BCL11B: variants seen among roughly 807,000 people sequenced by gnomAD.
BCL11B encodes the protein B-cell lymphoma/leukemia 11B.
BCL11B carries 8 observed loss-of-function variants against 49.9 expected under a neutral mutation model. That is an observed-to-expected ratio of 0.16 (90% CI 0.09 to 0.29). The LOEUF (loss-of-function observed/expected upper bound fraction) is 0.29. BCL11B is among the 10% of genes least tolerant of loss of function. BCL11B has a pLI of 1.00. For synonymous variants in BCL11B, 739 were observed against 637.4 expected (o/e 1.16, Z -2.40); for missense variants, 1,006 against 1,351.0 (o/e 0.74, Z 4.00).
At chr14:99,271,128 C>T (rs1170733497) in intron 1 of BCL11B, 33 bp downstream of exon 1, 4 of 1,528,658 alleles carry the variant, frequency 2.6e-6, no homozygotes, top group East Asian at 2.7e-5. Context: ...AGCCCCATCT[C>T]CGGCCCCTCG....
intron 3 of BCL11B, among the ~76,000 whole-genome samples, chr14:99,218,965 G>A (rs531982424): frequency 7.1e-4 from 108 of 152,318 alleles, no homozygotes; most frequent in African/African-American, 2.5e-3. Flanking sequence ...AGGGAGCACG[G>A]CCCTGCCGAC....
At position 99,257,684 on chromosome 14, in the gene BCL11B, C is replaced by A. The variant is rs1347438592; in HGVS notation, c.214G>T (p.Val72Phe). The change falls in exon 2 of 4, where the codon GTT (valine) becomes TTT (phenylalanine). Residue 72 changes from valine (V) to phenylalanine (F), a missense_variant. Around this residue, in one of 6 missense-constraint regions of BCL11B, gnomAD observed 411 missense variants for 542.2 expected, o/e 0.76. Coordinates refer to ENST00000357195, the MANE Select transcript of BCL11B (RefSeq NM_138576.4). This position sits in a 1 kb window ranked among gnomAD's most constrained non-coding sequence, Gnocchi z 6.2. ...TGCTTCCTTTTGTGCTCTATAAAAA[C>A]CAGGATGTCCCCCAAGGGGAAGTTC... ...QMNFPLGDIL[V>F]FIEHKRKQCG... The A allele has an allele frequency of 6.2e-7, 1 of 1,612,504 alleles. No individual in the cohort carries two copies. The highest frequency in any genetic ancestry group is 8.5e-7 in the Non-Finnish European group (1 of 1,178,916).
intron 3 of BCL11B, among the ~76,000 whole-genome samples, chr14:99,190,196 C>T (rs912257687): frequency 6.5e-5 from 9 of 139,100 alleles, no homozygotes; most frequent in African/African-American, 2.4e-4. Flanking sequence ...GTCTTTAAAA[C>T]AAGGCACTTG....
In BCL11B at chr14:99,248,914, T is replaced by C. The variant is rs960096373; in HGVS notation, c.427+8557A>G. 2.0e-5 allele frequency among the ~76,000 whole-genome samples: 3 copies of C among 152,128 alleles called. No homozygotes were observed. The highest frequency in any genetic ancestry group is 6.5e-5 in the Admixed American group (1 of 15,278). On this transcript the variant is annotated intron_variant, in intron 2 of 3. Coordinates refer to ENST00000357195, the MANE Select transcript of BCL11B (RefSeq NM_138576.4). The surrounding 1 kb of genome is among the most constrained non-coding windows in gnomAD (Gnocchi z 4.7). ...ACACAGCATGCCAGCCACAGTAGGATGCCATCCTAGGTCTCGAGCCAGAGT... is the reference window on the plus strand; with the variant it reads ...ACACAGCATGCCAGCCACAGTAGGACGCCATCCTAGGTCTCGAGCCAGAGT...
At chr14:99,183,202 C>T (rs746064804) in intron 3 of BCL11B, among the ~76,000 whole-genome samples, 53 of 152,264 alleles carry the variant, frequency 3.5e-4, no homozygotes, top group South Asian at 1.9e-3. Context: ...TGATGCCAGA[C>T]CCACCCACAT....
rs1886379401 is a variant in BCL11B at position 99,174,031 on chromosome 14, C to G, written c.*120G>C. The G allele has an allele frequency of 9.5e-7, 1 of 1,053,756 alleles. No homozygotes were observed. Among genetic ancestry groups the G allele is most frequent in the Admixed American group, 2.4e-5 (1 of 41,756 alleles). 65.3% of individuals were successfully genotyped at this position (1,053,756 alleles called of 1,614,324 possible). A position where few individuals can be genotyped will look rare whatever the true frequency, so the allele number is the denominator to read the frequency against. On this transcript the variant is annotated 3_prime_UTR_variant, in exon 4 of 4. Coordinates refer to ENST00000357195, the MANE Select transcript of BCL11B (RefSeq NM_138576.4). ...CAGGTTAGGTTGGAGTGCCGCCTCC[C>G]CTGGGCCCCGGGGACACGCGGGGTG...
chr14:99,175,386 G>T lies in BCL11B; in HGVS notation c.1450C>A (p.Leu484Met), dbSNP rs1426414527. 1 of 1,595,174 alleles carries T rather than the reference G, an allele frequency of 6.3e-7. No homozygotes were observed. Among genetic ancestry groups the T allele is most frequent in the Non-Finnish European group, 8.5e-7 (1 of 1,174,140 alleles). The change falls in exon 4 of 4, where the codon CTG becomes ATG. Residue 484 changes from leucine to methionine, a missense_variant. Around this residue, in one of 6 missense-constraint regions of BCL11B, gnomAD observed 443 missense variants for 499.7 expected, o/e 0.89. Transcript: ENST00000357195. ...AGCCCGTCGTCGGAGCGGCCGGCCA[G>T]CGAGCCGGCCTTGTGCATGTGCGTC... Reference protein sequence around the residue: ...MKTHMHKAGSLAGRSDDGLSA... With the variant: ...MKTHMHKAGSMAGRSDDGLSA...
At chr14:99,204,269 C>T (rs537358940) in intron 3 of BCL11B, among the ~76,000 whole-genome samples, 1 of 152,244 alleles carries the variant, frequency 6.6e-6, no homozygotes, top group East Asian at 1.9e-4. Context: ...TCTGTGGACT[C>T]GTCTTTCCAG....
chr14:99,245,660 C>A (rs1888804741), intron 2 of BCL11B, among the ~76,000 whole-genome samples: 1 of 142,432 alleles, frequency 7.0e-6, no homozygotes, highest in Admixed American at 7.1e-5. Flanking sequence ...GAATGCCACC[C>A]CGGCGAAGCG....
intron 2 of BCL11B, among the ~76,000 whole-genome samples, chr14:99,252,475 C>T (rs908996524): frequency 1.3e-5 from 2 of 152,190 alleles, no homozygotes; most frequent in Admixed American, 6.5e-5. Context: ...TCCCTGGGCT[C>T]GTCAGAAGTC....
At chr14:99,180,679 T>C (rs950620577) in intron 3 of BCL11B, among the ~76,000 whole-genome samples, 1 of 152,206 alleles carries the variant, frequency 6.6e-6, no homozygotes, top group African/African-American at 2.4e-5. Flanking sequence ...AAATCGCACA[T>C]GGCTATGCAG....
In BCL11B at chr14:99,192,098, G is replaced by C. The variant is rs1303746881; in HGVS notation, c.641-15903C>G. On this transcript the variant is annotated intron_variant, in intron 3 of 3. Transcript: ENST00000357195. The surrounding 1 kb of genome is among the most constrained non-coding windows in gnomAD (Gnocchi z 4.0). ...CGGAATATTTTTAGAACAATCACTG[G>C]AGTGATTCTTCTTAGTTGTAGAAAC... Among the ~76,000 whole-genome samples, 1 of 152,182 alleles carries C rather than the reference G, an allele frequency of 6.6e-6. No individual in the cohort carries two copies. The highest frequency in any genetic ancestry group is 2.1e-4 in the South Asian group (1 of 4,828).
In BCL11B at chr14:99,231,640, TG is replaced by T; in HGVS notation, c.428-84del. On this transcript the variant is annotated intron_variant, in intron 2 of 3. Transcript: ENST00000357195. The surrounding 1 kb of genome is among the most constrained non-coding windows in gnomAD (Gnocchi z 8.1). ...ACGGGGTGGGACGGGGCTCGGGGCG[TG>T]GGGCTCTGCTCAGGCCACCCTTCGG... The T allele has an allele frequency of 7.3e-7, 1 of 1,375,464 alleles. No individual in the cohort carries two copies. Among genetic ancestry groups the T allele is most frequent in the Non-Finnish European group, 9.9e-7 (1 of 1,008,522 alleles). The allele number at this position is 1,375,464 out of a possible 1,614,324, so 85.2% of individuals were successfully genotyped here.
At position 99,174,214 on chromosome 14, in the gene BCL11B, T is replaced by C. The variant is rs201198198; in HGVS notation, c.2622A>G (p.Lys874=). The change falls in exon 4 of 4, where the codon AAA becomes AAG. Residue 874 remains lysine, a synonymous_variant. Coordinates refer to ENST00000357195, the MANE Select transcript of BCL11B (RefSeq NM_138576.4). The part of the protein sequence containing the change: ...SVYSTLEKHM[K]KWHGEHLLTN... ...TCAGCAAGTGCTCGCCGTGCCACTT[T>C]TTCATGTGTTTCTCCAGGGTGCTGT... 2.4e-5 allele frequency: 39 copies of C among 1,613,760 alleles called. No individual in the cohort carries two copies. In the Admixed American group the frequency reaches 4.8e-4, roughly 20 times the overall value.
Position 99,174,473 on chromosome 14 carries a change from C to G in BCL11B, c.2363G>C (p.Ser788Thr), listed in dbSNP as rs1886398239. ...GTCGCTGCGGCGGCCCTCCTTGGAGCTGGGCCGCCCGGGGCCCGGGCCGCC... is the reference window on the plus strand; with the variant it reads ...GTCGCTGCGGCGGCCCTCCTTGGAGGTGGGCCGCCCGGGGCCCGGGCCGCC... Reference protein sequence around the residue: ...HLGGPGPGRPSSKEGRRSDTC... With the variant: ...HLGGPGPGRPTSKEGRRSDTC... Residue 788 changes from serine (S) to threonine (T), a missense_variant, in exon 4 of 4, where the codon AGC becomes ACC. Ser to Thr is a moderately conservative substitution (Grantham distance 58, BLOSUM62 1). Coordinates refer to ENST00000357195, the MANE Select transcript of BCL11B (RefSeq NM_138576.4). 6.3e-7 allele frequency: 1 copy of G among 1,595,072 alleles called. No homozygotes were observed. Among genetic ancestry groups the G allele is most frequent in the South Asian group, 1.1e-5 (1 of 89,284 alleles).
intron 3 of BCL11B, among the ~76,000 whole-genome samples, chr14:99,186,461 AG>A (rs1285314651): frequency 6.6e-6 from 1 of 152,232 alleles, no homozygotes; most frequent in African/African-American, 2.4e-5. Flanking sequence ...CGGAGGTTGC[AG>A]TGAGCCGAGG....
intron 2 of BCL11B, among the ~76,000 whole-genome samples, chr14:99,250,486 G>C (rs1246550092): frequency 6.6e-6 from 1 of 152,064 alleles, no homozygotes; most frequent in Non-Finnish European, 1.5e-5. Flanking sequence ...TGTTTCCTCA[G>C]TGAAAAGATG....
At chr14:99,215,499 G>A (rs1388929686) in intron 3 of BCL11B, among the ~76,000 whole-genome samples, 1 of 152,186 alleles carries the variant, frequency 6.6e-6, no homozygotes, top group Non-Finnish European at 1.5e-5. Context: ...CATGGAATTT[G>A]GCAACGCCAC....
chr14:99,265,617 C>G (rs1017101741), intron 1 of BCL11B, among the ~76,000 whole-genome samples: 1 of 152,186 alleles, frequency 6.6e-6, no homozygotes, highest in African/African-American at 2.4e-5. Flanking sequence ...GACCACCGTC[C>G]GGCCCAAGAC....
Sources: allele counts gnomAD v4.1 joint callset (sites outside exome capture counted in the v4.1 genomes callset), GRCh38; gene constraint gnomAD v4.1.1; regional missense constraint gnomAD v4.1.1; non-coding constraint Gnocchi (gnomAD v3.1); transcripts MANE v1.5; gene names NCBI Gene and HGNC (gene_info 2026-07-23, HGNC 2026-07-21).